Variants in NRXN3 observed in about 807,000 individuals in gnomAD.
NRXN3 encodes neurexin 3, also known as neurexin III.
NRXN3 carries 32 observed loss-of-function variants against 137.6 expected under a neutral mutation model. The ratio of observed to expected loss-of-function variants is 0.23; its 90% CI spans 0.18 to 0.31. NRXN3 has a LOEUF of 0.31. NRXN3 is among the 10% of genes least tolerant of loss of function. NRXN3 has a pLI of 1.00. For synonymous variants in NRXN3, 798 were observed against 784.5 expected (o/e 1.02, Z -0.29); for missense variants, 1,574 against 2,062.5 (o/e 0.76, Z 4.59).
chr14:78,661,441 T>G (rs1300851316), intron 6 of NRXN3, among the ~76,000 whole-genome samples: 5 of 152,178 alleles, frequency 3.3e-5, no homozygotes, highest in African/African-American at 7.2e-5. Context: ...CAATGGGCCC[T>G]GATTAAGTGG....
intron 1 of NRXN3, among the ~76,000 whole-genome samples, chr14:78,238,974 C>T (rs1013894677): frequency 7.2e-5 from 11 of 152,232 alleles, no homozygotes; most frequent in African/African-American, 2.4e-4. Context: ...GGTCACTAAG[C>T]ATGTGCTGCT....
At chr14:79,614,259 T>G (rs778083623) in intron 16 of NRXN3, among the ~76,000 whole-genome samples, 1 of 152,182 alleles carries the variant, frequency 6.6e-6, no homozygotes, top group Non-Finnish European at 1.5e-5. Flanking sequence ...ACAAAGGGAA[T>G]AGAAGACCCA....
intron 4 of NRXN3, among the ~76,000 whole-genome samples, chr14:78,604,634 G>C (rs760332929): frequency 3.3e-5 from 5 of 152,170 alleles, no homozygotes; most frequent in Non-Finnish European, 7.4e-5. Flanking sequence ...AAGGATTTTA[G>C]AGATCCCCTT....
chr14:79,248,873 A>T (rs1441349424), intron 15 of NRXN3: 1 of 152,274 alleles, frequency 6.6e-6, no homozygotes, highest in East Asian at 1.9e-4. Context: ...GCATCTTGGC[A>T]TGAATGGCTC....
chr14:79,179,553 A>G (rs71414786), intron 15 of NRXN3, among the ~76,000 whole-genome samples: 1 of 152,150 alleles, frequency 6.6e-6, no homozygotes, highest in Non-Finnish European at 1.5e-5. Flanking sequence ...GGAACCCAGC[A>G]ATTTGCGTTT....
chr14:79,836,017 C>A (rs2099341556), intron 20 of NRXN3, among the ~76,000 whole-genome samples: 1 of 152,118 alleles, frequency 6.6e-6, no homozygotes, highest in South Asian at 2.1e-4. Flanking sequence ...AAGTTTCAAT[C>A]AGAACTCAGT....
chr14:79,747,457 C>G (rs534726123), intron 19 of NRXN3, among the ~76,000 whole-genome samples: 153 of 152,186 alleles, frequency 1.0e-3, no homozygotes, highest in African/African-American at 3.6e-3. Flanking sequence ...TGGGAGAACC[C>G]TGAACTCAGG....
intron 15 of NRXN3, among the ~76,000 whole-genome samples, chr14:79,046,954 G>A (rs1429810848): frequency 6.6e-6 from 1 of 152,134 alleles, no homozygotes; most frequent in Non-Finnish European, 1.5e-5. Flanking sequence ...TCTTTACTGT[G>A]TGAACATTGA....
At chr14:79,233,678 G>GTT (rs955792953) in intron 15 of NRXN3, among the ~76,000 whole-genome samples, 1 of 151,892 alleles carries the variant, frequency 6.6e-6, no homozygotes, top group African/African-American at 2.4e-5. Flanking sequence ...GTGTGTGTGT[G>GTT]TGTGTGTGTG....
chr14:79,585,688 A>C (rs1018420035), intron 16 of NRXN3, among the ~76,000 whole-genome samples: 2 of 117,874 alleles, frequency 1.7e-5, no homozygotes, highest in African/African-American at 3.1e-5. Context: ...CATCTTAAAA[A>C]AAAAACAAAA....
intron 15 of NRXN3, among the ~76,000 whole-genome samples, chr14:79,241,414 T>G (rs2074266465): frequency 6.6e-6 from 1 of 152,042 alleles, no homozygotes; most frequent in Non-Finnish European, 1.5e-5. Context: ...GGCCTCACAA[T>G]CATGGCGGAA....
intron 15 of NRXN3, among the ~76,000 whole-genome samples, chr14:79,337,570 T>A (rs764396036): frequency 1.5e-4 from 23 of 152,178 alleles, no homozygotes; most frequent in Admixed American, 2.6e-4. Flanking sequence ...TTTCCAAAAT[T>A]TCATGTGTTA....
At chr14:79,035,872 C>T (rs2370895) in intron 15 of NRXN3, among the ~76,000 whole-genome samples, 58,446 of 151,830 alleles carry the variant, frequency 0.38, 11,820 homozygotes, top group Admixed American at 0.49. Context: ...ACTAACTGTT[C>T]CCCCACTACT....
At chr14:79,532,178 T>G (rs2097175347) in intron 16 of NRXN3, among the ~76,000 whole-genome samples, 1 of 152,160 alleles carries the variant, frequency 6.6e-6, no homozygotes, top group South Asian at 2.1e-4. Context: ...CAACCCACAT[T>G]AGCATTTATA....
At chr14:78,542,330 G>A (rs1179239923) in intron 4 of NRXN3, among the ~76,000 whole-genome samples, 1 of 152,258 alleles carries the variant, frequency 6.6e-6, no homozygotes, top group Non-Finnish European at 1.5e-5. Flanking sequence ...TTCTTGAGCT[G>A]TGGTGGGCTC....
chr14:78,533,742 C>T (rs752312766), intron 4 of NRXN3, among the ~76,000 whole-genome samples: 8 of 152,216 alleles, frequency 5.3e-5, no homozygotes, highest in Non-Finnish European at 8.8e-5. Context: ...AAGCCCTCCC[C>T]GCATTTCTGC....
At chr14:78,691,586 A>C (rs1292933604) in intron 6 of NRXN3, among the ~76,000 whole-genome samples, 2 of 152,058 alleles carry the variant, frequency 1.3e-5, no homozygotes, top group Non-Finnish European at 2.9e-5. Context: ...CAGATTCTCA[A>C]ATTTTTTCTT....
At chr14:79,427,670 A>G (rs1243712948) in intron 15 of NRXN3, among the ~76,000 whole-genome samples, 1 of 151,896 alleles carries the variant, frequency 6.6e-6, no homozygotes, top group Non-Finnish European at 1.5e-5. Flanking sequence ...CATCTCTACT[A>G]AAAATACAAA....
At chr14:78,367,058 T>A (rs2153612638) in intron 4 of NRXN3, among the ~76,000 whole-genome samples, 1 of 152,336 alleles carries the variant, frequency 6.6e-6, no homozygotes, top group East Asian at 1.9e-4. Flanking sequence ...GCCCACTCTC[T>A]GATTCTCATT....
Sources: gnomAD v4.1 joint callset for allele counts (sites outside exome capture counted in the v4.1 genomes callset) on GRCh38, gnomAD v4.1.1 for gene constraint, MANE v1.5 for transcripts, NCBI Gene and HGNC (gene_info 2026-07-23, HGNC 2026-07-21) for gene names.